The following GLT8D2 variants were observed in gnomAD, a reference collection of about 807,000 sequenced individuals.
GLT8D2 encodes glycosyltransferase 8 domain containing 2, also known as glycosyltransferase 8 domain-containing protein 2.
GLT8D2 carries 45 observed loss-of-function variants against 44.5 expected under a neutral mutation model. That is an observed-to-expected ratio of 1.01 (90% CI 0.80 to 1.30). The LOEUF is 1.30. GLT8D2 is among the 50% of genes most tolerant of loss of function. The probability of loss-of-function intolerance (pLI) is 0.00; values close to 1 mark genes in which losing one functional copy is unlikely to be tolerated. For missense variants in GLT8D2, 400 were observed against 430.4 expected, an observed-to-expected ratio of 0.93 and a Z score of 0.62; for synonymous variants, 156 against 157.2, an observed-to-expected ratio of 0.99 and a Z score of 0.06.
rs373034068 is a variant in GLT8D2, at chr12:104,003,135, C to T, written c.284G>A (p.Arg95Gln). Residue 95 changes from arginine (R) to glutamine (Q), a missense_variant and splice_region_variant, in exon 5 of 11, where the codon CGA becomes CAA. By Grantham distance (43) the Arg-to-Gln change is conservative (BLOSUM62 1). Coordinates refer to ENST00000360814, the MANE Select transcript of GLT8D2 (RefSeq NM_001384711.1). ...CCAAAGTCTGTAAGACATAACTTAC[C>T]GTATTCGAGTCAGAGTATTCCGGAG... ...VGLRNTLTRI[R>Q]KWIEHSKLRE... is the part of the protein sequence containing the mutation. 6.9e-5 allele frequency: 112 copies of T among 1,612,792 alleles called. No homozygotes were observed. The East Asian group carries it at 8.5e-4, about 12-fold the overall frequency.
chr12:104,034,409 T>C (rs1453684070), intron 1 of GLT8D2, among the ~76,000 whole-genome samples: 1 of 152,230 alleles, frequency 6.6e-6, no homozygotes, highest in African/African-American at 2.4e-5. Context: ...TGACAGACTT[T>C]ACCTGGAAAA....
chr12:103,998,937 T>C (rs1361477516), intron 6 of GLT8D2, among the ~76,000 whole-genome samples: 1 of 152,230 alleles, frequency 6.6e-6, no homozygotes, highest in Non-Finnish European at 1.5e-5. Flanking sequence ...GGAAAAGAGA[T>C]GGTGTCTCCT....
chr12:104,009,243 A>G (rs1256759722), intron 4 of GLT8D2, among the ~76,000 whole-genome samples: 1 of 152,234 alleles, frequency 6.6e-6, no homozygotes, highest in Non-Finnish European at 1.5e-5. Flanking sequence ...CACAGGGTAG[A>G]GCTGCCCAAG....
At chr12:104,031,618 CAT>C (rs1366810510) in intron 1 of GLT8D2, 3 of 1,482,462 alleles carry the variant, frequency 2.0e-6, no homozygotes, top group African/African-American at 2.8e-5. Flanking sequence ...CCCACCTGCA[CAT>C]GTCACACTGA....
intron 6 of GLT8D2, among the ~76,000 whole-genome samples, 194 bp from the exon 7 acceptor site, chr12:103,997,729 A>G (rs549892123): frequency 6.6e-6 from 1 of 152,280 alleles, no homozygotes; most frequent in South Asian, 2.1e-4. Flanking sequence ...GGCTGAAGCC[A>G]GCGCTGACGG....
rs148561856 is a variant in GLT8D2 at position 104,062,187 on chromosome 12, C to G, written c.-423+1762G>C. On this transcript the variant is annotated intron_variant, in intron 1 of 10. Transcript: ENST00000548660. ...CTCCCAGGTTCAAGTGATTCTCCTA[C>G]CTCAGCCTCCCAAGTAGCTGGGATT... Among the ~76,000 whole-genome samples the G allele has an allele frequency of 4.4e-3, 668 of 151,936 alleles. 3 individuals are homozygous for G. Among genetic ancestry groups the G allele is most frequent in the African/African-American group, 0.015 (633 of 41,452 alleles).
At chr12:104,030,807 G>C in intron 1 of GLT8D2, 10 of 1,606,692 alleles carry the variant, frequency 6.2e-6, no homozygotes, top group Middle Eastern at 2.1e-4. Context: ...GTGCTGATCC[G>C]GCACGGCGAG....
chr12:104,029,532 T>A (rs759954679), intron 1 of GLT8D2, among the ~76,000 whole-genome samples: 1 of 152,162 alleles, frequency 6.6e-6, no homozygotes, highest in African/African-American at 2.4e-5. Context: ...TGAGAGGTAC[T>A]GAGACAATGC....
chr12:104,055,545 C>A (rs1158426015), intron 1 of GLT8D2, among the ~76,000 whole-genome samples: 1 of 152,172 alleles, frequency 6.6e-6, no homozygotes, highest in Non-Finnish European at 1.5e-5. Context: ...AGTTACATGC[C>A]TGAGTGCAAC....
chr12:104,019,270 G>A (rs1396854112), intron 3 of GLT8D2, among the ~76,000 whole-genome samples: 1 of 151,914 alleles, frequency 6.6e-6, no homozygotes, highest in African/African-American at 2.4e-5. Context: ...TGAGACTACA[G>A]GTGTCCGCCA....
In GLT8D2 at chr12:104,016,123, AAC is replaced by A. The variant is rs74931585; in HGVS notation, c.20-1020_20-1019del. On this transcript the variant is annotated intron_variant, in intron 3 of 10. Transcript: ENST00000360814. ...TAGGGCTTCCACTACTATGTTGAAT[AAC>A]AGTGGTGAAACGCAGCCATCCTTGT... Among the ~76,000 whole-genome samples, 2,919 of 152,308 alleles carry A rather than the reference AAC, an allele frequency of 0.019. 246 individuals are homozygous for A. The East Asian group carries it at 0.28, about 15-fold the overall frequency.
chr12:104,024,552 C>G (rs1593553282), intron 1 of GLT8D2, among the ~76,000 whole-genome samples: 1 of 152,292 alleles, frequency 6.6e-6, no homozygotes, highest in Non-Finnish European at 1.5e-5. Flanking sequence ...TTCTTGTCAG[C>G]ACTTGGTATT....
chr12:104,018,900 T>C lies in GLT8D2; in HGVS notation c.19+730A>G, dbSNP rs573510235. ...TTAGGTTACTATGTTTCTCCTCAAA[T>C]TCACAAACTACTGGATCTAAAATCA... On this transcript the variant is annotated intron_variant, in intron 3 of 10. Coordinates refer to ENST00000360814, the MANE Select transcript of GLT8D2 (RefSeq NM_001384711.1). Among the ~76,000 whole-genome samples the C allele has an allele frequency of 5.3e-5, 8 of 152,222 alleles. 1 individual carries two copies. Among genetic ancestry groups the C allele is most frequent in the Admixed American group, 4.6e-4 (7 of 15,278 alleles).
At chr12:104,028,579 T>C (rs1593556695) in intron 1 of GLT8D2, among the ~76,000 whole-genome samples, 1 of 152,130 alleles carries the variant, frequency 6.6e-6, no homozygotes, top group Non-Finnish European at 1.5e-5. Flanking sequence ...AAGAACCATA[T>C]AAGAACCCCT....
At chr12:104,020,896 G>A (rs948047938) in intron 2 of GLT8D2, among the ~76,000 whole-genome samples, 8 of 152,178 alleles carry the variant, frequency 5.3e-5, no homozygotes, top group Non-Finnish European at 7.3e-5. Context: ...AGGTCAGAGA[G>A]GTACCAAGGG....
chr12:104,038,159 C>T (rs1003211719), intron 1 of GLT8D2, among the ~76,000 whole-genome samples: 2 of 152,138 alleles, frequency 1.3e-5, no homozygotes, highest in African/African-American at 4.8e-5. Flanking sequence ...ATAATAAGAG[C>T]TATTTATGAC....
chr12:103,990,366 C>G (rs1188415263), intron 10 of GLT8D2, among the ~76,000 whole-genome samples: 1 of 151,970 alleles, frequency 6.6e-6, no homozygotes, highest in African/African-American at 2.4e-5. Context: ...ACTTTTTAAA[C>G]AAACAGCTAT....
chr12:104,009,986 G>A (rs765221817), intron 4 of GLT8D2, among the ~76,000 whole-genome samples: 9 of 150,714 alleles, frequency 6.0e-5, no homozygotes, highest in African/African-American at 9.8e-5. Context: ...GCATGAAAAC[G>A]GACTAATACA....
chr12:104,017,344 T>C (rs559510734), intron 3 of GLT8D2, among the ~76,000 whole-genome samples: 1 of 152,310 alleles, frequency 6.6e-6, no homozygotes, highest in African/African-American at 2.4e-5. Flanking sequence ...GGTTTTGAGA[T>C]GGAGTTTCAC....
Sources: gnomAD v4.1 joint callset for allele counts (sites outside exome capture counted in the v4.1 genomes callset) on GRCh38, gnomAD v4.1.1 for gene constraint, MANE v1.5 for transcripts, NCBI Gene and HGNC (gene_info 2026-07-23, HGNC 2026-07-21) for gene names.